Variants in CES5A observed in about 807,000 individuals in gnomAD.
CES5A encodes carboxylesterase 5.
Under a neutral mutation model 62.9 loss-of-function variants are expected in CES5A, and 67 were observed. The ratio of observed to expected loss-of-function variants is 1.07; its 90% confidence interval spans 0.88 to 1.31. The LOEUF is 1.31. CES5A is among the 50% of genes most tolerant of loss of function. The probability of loss-of-function intolerance (pLI) is 0.00; values close to 1 mark genes in which losing one functional copy is unlikely to be tolerated. For missense variants in CES5A, 748 were observed against 708.5 expected, an observed-to-expected ratio of 1.06 and a Z score of -0.63; for synonymous variants, 296 against 280.8, an observed-to-expected ratio of 1.05 and a Z score of -0.54.
Position 55,882,337 on chromosome 16 carries a change from C to T in CES5A, c.-255-8300G>A, listed in dbSNP as rs1466527316. On this transcript the variant is annotated intron_variant, in intron 1 of 12. Transcript: ENST00000518005. The stretch of plus-strand genomic sequence containing the variant: ...CCAGCATTTTTTTGATACCAGGACC[C>T]ACTAATGCACAGAGGCGATTCTCAA... Among the ~76,000 whole-genome samples, 3 of 152,222 alleles carry T rather than the reference C, an allele frequency of 2.0e-5. No homozygotes were observed. In the East Asian group the frequency reaches 5.8e-4, roughly 29 times the overall value.
At chr16:55,858,058 G>T (rs2033278698) in intron 8 of CES5A, among the ~76,000 whole-genome samples, 1 of 152,158 alleles carries the variant, frequency 6.6e-6, no homozygotes, top group Non-Finnish European at 1.5e-5. Context: ...AATTAGCTGG[G>T]CATGGTGGTG....
chr16:55,847,558 C>T (rs1164366496), intron 11 of CES5A, among the ~76,000 whole-genome samples: 1 of 152,152 alleles, frequency 6.6e-6, no homozygotes, highest in African/African-American at 2.4e-5. Flanking sequence ...CTCAGAGGCA[C>T]TTTCCCAAAG....
intron 3 of CES5A, among the ~76,000 whole-genome samples, chr16:55,870,893 G>A (rs1386254195): frequency 6.6e-6 from 1 of 152,170 alleles, no homozygotes; most frequent in African/African-American, 2.4e-5. Context: ...AGGGGAGGTG[G>A]ACAAACCTCT....
At chr16:55,911,016 A>T (rs1214991501) in intron 1 of CES5A, among the ~76,000 whole-genome samples, 1 of 152,146 alleles carries the variant, frequency 6.6e-6, no homozygotes, top group Non-Finnish European at 1.5e-5. Flanking sequence ...TGTCATCCAC[A>T]CTGTGGCTGC....
chr16:55,896,712 G>A (rs1396760374), intron 1 of CES5A, among the ~76,000 whole-genome samples: 1 of 152,168 alleles, frequency 6.6e-6, no homozygotes, highest in African/African-American at 2.4e-5. Flanking sequence ...CTCTGCCAGG[G>A]TGGAGAGCTT....
chr16:55,860,457 AT>A (rs2033330640), intron 7 of CES5A, among the ~76,000 whole-genome samples: 1 of 82,492 alleles, frequency 1.2e-5, no homozygotes, highest in South Asian at 4.1e-4. Flanking sequence ...GTTGGGGTGT[AT>A]AGCCCAGGAA....
intron 1 of CES5A, among the ~76,000 whole-genome samples, chr16:55,892,180 A>G (rs965522208): frequency 6.6e-6 from 1 of 152,210 alleles, no homozygotes; most frequent in Non-Finnish European, 1.5e-5. Context: ...TATTGATCCC[A>G]GGTCTTTAGA....
intron 9 of CES5A, among the ~76,000 whole-genome samples, chr16:55,854,677 G>A (rs2033204676): frequency 6.7e-6 from 1 of 149,630 alleles, no homozygotes; most frequent in Non-Finnish European, 1.5e-5. Context: ...CACCACAAAT[G>A]CACACCACCA....
In CES5A at chr16:55,869,611, G is replaced by T. The variant is rs147903375; in HGVS notation, c.551C>A (p.Thr184Asn). The change falls in exon 4 of 13, where the codon ACC becomes AAC. Residue 184 changes from threonine (T) to asparagine (N), a missense_variant and splice_region_variant. Coordinates refer to ENST00000290567, the MANE Select transcript of CES5A (RefSeq NM_001143685.2). ...QYRLGIFGFFTTWDQHAPGNW... is the reference protein window; with the variant it reads ...QYRLGIFGFFNTWDQHAPGNW... ...ATGTCCATCATTTGGAGAGACTCAC[G>T]TGAAGAAACCAAATATTCCTAGCCG... The T allele has an allele frequency of 9.3e-6, 15 of 1,613,592 alleles. No individual in the cohort carries two copies. The Admixed American group carries it at 1.2e-4, about 13-fold the overall frequency.
chr16:55,952,429 A>AAATT (rs59160580), intron 1 of CES5A, among the ~76,000 whole-genome samples: 74,495 of 151,326 alleles, frequency 0.49, 18,816 homozygotes, highest in African/African-American at 0.53. Flanking sequence ...TAAAATGCAA[A>AAATT]AATTAACTAG....
chr16:55,866,593 C>A (rs11863223), intron 4 of CES5A, among the ~76,000 whole-genome samples: 1 of 145,606 alleles, frequency 6.9e-6, no homozygotes, highest in Non-Finnish European at 1.5e-5. Context: ...GAGGCCGAGG[C>A]GGGCAGATCA....
chr16:55,954,838 T>C (rs904480944), intron 1 of CES5A, among the ~76,000 whole-genome samples: 4 of 152,316 alleles, frequency 2.6e-5, no homozygotes, highest in African/African-American at 7.2e-5. Context: ...CCTAGGTTCT[T>C]ATATCCTCCA....
chr16:55,859,378 G>A (rs191971606), intron 8 of CES5A, among the ~76,000 whole-genome samples, 169 bp downstream of exon 8: 42 of 152,296 alleles, frequency 2.8e-4, no homozygotes, highest in African/African-American at 8.4e-4. Context: ...TGACTGTCCC[G>A]GTCCTCACTT....
intron 1 of CES5A, among the ~76,000 whole-genome samples, chr16:55,915,641 C>A (rs995612180): frequency 8.5e-5 from 13 of 152,132 alleles, no homozygotes; most frequent in African/African-American, 2.7e-4. Context: ...CCACCTCCTC[C>A]AGGAAGTCTT....
intron 2 of CES5A, among the ~76,000 whole-genome samples, chr16:55,872,933 A>T (rs2033622669): frequency 6.6e-6 from 1 of 152,178 alleles, no homozygotes. Flanking sequence ...ATGGAGAGCC[A>T]GTTATCAAGT....
At position 55,898,292 on chromosome 16, in the gene CES5A, C is replaced by T. The variant is rs564087581; in HGVS notation, c.-255-24255G>A. Among the ~76,000 whole-genome samples, 408 of 152,176 alleles carry T rather than the reference C, an allele frequency of 2.7e-3. 1 individual carries two copies. The highest frequency in any genetic ancestry group is 9.3e-3 in the African/African-American group (385 of 41,500). On this transcript the variant is annotated intron_variant, in intron 1 of 12. Transcript: ENST00000518005. ...GTAGATGCATCAAGAAACTCTGAAACGTGGCCATGAGGTGTCTAGGGTGGG... is the reference window on the plus strand; with the variant it reads ...GTAGATGCATCAAGAAACTCTGAAATGTGGCCATGAGGTGTCTAGGGTGGG...
In CES5A at chr16:55,923,420, G is replaced by T. The variant is rs4122233; in HGVS notation, c.-256+1903C>A. 7.3e-3 allele frequency among the ~76,000 whole-genome samples: 1,106 copies of T among 151,902 alleles called. 13 individuals carry two copies. Among genetic ancestry groups the T allele is most frequent in the African/African-American group, 0.021 (872 of 41,538 alleles). On this transcript the variant is annotated intron_variant, in intron 1 of 12. Transcript: ENST00000518005. ...CTCCAACAAATTGGAAAACCTAGAA[G>T]AAATGGATAAATGTCTGGACACATA...
intron 1 of CES5A, among the ~76,000 whole-genome samples, chr16:55,953,562 C>A (rs1055277092): frequency 1.2e-4 from 18 of 151,642 alleles, no homozygotes; most frequent in African/African-American, 4.4e-4. Flanking sequence ...AAAAAAAAAC[C>A]TGAAAAATAC....
At chr16:55,915,637 C>A (rs898621031) in intron 1 of CES5A, among the ~76,000 whole-genome samples, 1 of 152,138 alleles carries the variant, frequency 6.6e-6, no homozygotes, top group Non-Finnish European at 1.5e-5. Context: ...GAGGCCACCT[C>A]CTCCAGGAAG....
Sources: gnomAD v4.1 joint callset for allele counts (sites outside exome capture counted in the v4.1 genomes callset) on GRCh38, gnomAD v4.1.1 for gene constraint, MANE v1.5 for transcripts, NCBI Gene and HGNC (gene_info 2026-07-23, HGNC 2026-07-21) for gene names.